Variants in F5 observed in about 807,000 individuals in gnomAD.
The protein encoded by F5 is activated protein c cofactor.
In F5, 138 loss-of-function variants were observed where a neutral mutation model predicts 216.4. The ratio of observed to expected loss-of-function variants is 0.64; its 90% CI spans 0.56 to 0.73. The LOEUF is 0.73. F5 is among the 30% of genes least tolerant of loss of function. The pLI, the probability that F5 is intolerant of heterozygous loss-of-function variation, is 0.00. For synonymous variants in F5, 916 were observed against 930.7 expected (o/e 0.98, Z 0.29); for missense variants, 2,403 against 2,674.0 (o/e 0.90, Z 2.24).
intron 2 of F5, 137 bp downstream of exon 2, chr1:169,582,294 A>T: frequency 1.9e-6 from 1 of 524,034 alleles, no homozygotes; most frequent in Non-Finnish European, 3.4e-6. Context: ...CCCACATATT[A>T]TGTAGCCAGT....
At chr1:169,536,404 A>G in intron 14 of F5, 102 bp downstream of exon 14, 1 of 964,078 alleles carries the variant, frequency 1.0e-6, no homozygotes, top group African/African-American at 1.6e-5. Context: ...ATCCTGGAAA[A>G]CAAACAAATC....
Position 169,512,128 on chromosome 1 carries a change from A to T in F5, c.*2185T>A, listed in dbSNP as rs1047638153. On this transcript the variant is annotated 3_prime_UTR_variant, in exon 25 of 25. Transcript: ENST00000367797. ...GTCTGAGCAATGGATTAGAAACATTATAAGTTTCATTTTATGGAAGAGAAA... is the reference window on the plus strand; with the variant it reads ...GTCTGAGCAATGGATTAGAAACATTTTAAGTTTCATTTTATGGAAGAGAAA... 1.3e-5 allele frequency among the ~76,000 whole-genome samples: 2 copies of T among 152,100 alleles called. No homozygotes were observed. The highest frequency in any genetic ancestry group is 3.9e-4 in the East Asian group (2 of 5,188).
intron 7 of F5, among the ~76,000 whole-genome samples, chr1:169,553,670 A>G (rs549363205): frequency 6.6e-6 from 1 of 152,200 alleles, no homozygotes; most frequent in Non-Finnish European, 1.5e-5. Flanking sequence ...TGCAGTGAGC[A>G]GAGATTGCGC....
In F5 at chr1:169,515,506, G is replaced by C; in HGVS notation, c.6466C>G (p.His2156Asp). 6.2e-7 allele frequency: 1 copy of C among 1,613,560 alleles called. No homozygotes were observed. The highest frequency in any genetic ancestry group is 8.5e-7 in the Non-Finnish European group (1 of 1,179,678). ...SEMYVKSYTI[H>D]YSEQGVEWKP... is the part of the protein sequence containing the mutation. ...CATTCCACTCCCTGCTCACTGTAGT[G>C]GATGGTATAGCTCTTTACATACATT... The change falls in exon 24 of 25, where the codon CAC (histidine) becomes GAC (aspartate). Residue 2156 changes from histidine (H) to aspartate (D), a missense_variant. Around this residue, in one of 4 missense-constraint regions of F5, gnomAD observed 659 missense variants for 787.9 expected, o/e 0.84. Transcript: ENST00000367797.
In F5 at chr1:169,555,267, G is replaced by A. The variant is rs746260106; in HGVS notation, c.1033C>T (p.Arg345Trp). 1.3e-4 allele frequency: 213 copies of A among 1,614,006 alleles called. 1 individual carries two copies. The highest frequency in any genetic ancestry group is 1.0e-3 in the South Asian group (91 of 91,076). ...NLKKITREQR[R>W]HMKRWEYFIA... ...AAGTATTCCCACCTCTTCATGTGCC[G>A]CCTCTGCTCACGAGTTATTTTCTTA... The change falls in exon 7 of 25, where the codon CGG becomes TGG. Residue 345 changes from arginine to tryptophan, a missense_variant. Around this residue, in one of 4 missense-constraint regions of F5, gnomAD observed 1,425 missense variants for 1,554.8 expected, o/e 0.92. Transcript: ENST00000367797.
Position 169,524,849 on chromosome 1 carries a change from A to T in F5, c.5776T>A (p.Ser1926Thr), listed in dbSNP as rs1439914613. 5 of 1,613,622 alleles carry T rather than the reference A, an allele frequency of 3.1e-6. No individual in the cohort carries two copies. Among genetic ancestry groups the T allele is most frequent in the Middle Eastern group, 1.6e-4 (1 of 6,080 alleles). ...GIISDSQIKA[S>T]EFLGYWEPRL... ...TGCTACAACTTACCCAGAAACTCTG[A>T]AGCCTTGATCTGTGAATCAGATATG... The change falls in exon 19 of 25, where the codon TCA (serine) becomes ACA (threonine). Residue 1926 changes from serine to threonine, a missense_variant. Ser to Thr is a moderately conservative substitution (Grantham distance 58). This residue lies in a region of F5 where 659 missense variants were observed against 787.9 expected (regional missense o/e 0.84). Coordinates refer to ENST00000367797, the MANE Select transcript of F5 (RefSeq NM_000130.5).
At chr1:169,521,838 C>T (rs1659316839) in intron 21 of F5, among the ~76,000 whole-genome samples, 3 of 151,834 alleles carry the variant, frequency 2.0e-5, no homozygotes, top group Admixed American at 2.0e-4. Context: ...TCAGGATGGT[C>T]TTGATCTCTT....
chr1:169,546,745 G>C (rs547835742), intron 10 of F5, among the ~76,000 whole-genome samples, 153 bp from the exon 11 acceptor site: 3 of 152,248 alleles, frequency 2.0e-5, no homozygotes, highest in Admixed American at 2.0e-4. Context: ...TCCATAAATG[G>C]TTCTGGGAAA....
chr1:169,556,589 T>G, intron 6 of F5, 57 bp downstream of exon 6: 1 of 1,550,298 alleles, frequency 6.5e-7, no homozygotes, highest in Non-Finnish European at 8.9e-7. Flanking sequence ...AGGGAGTTAG[T>G]GCATGGGAAG....
chr1:169,530,729 TG>T, intron 15 of F5, 56 bp downstream of exon 15: 1 of 1,446,326 alleles, frequency 6.9e-7, no homozygotes, highest in Non-Finnish European at 9.7e-7. Flanking sequence ...TTCCATTTGG[TG>T]GACTTCAGAT....
At position 169,555,084 on chromosome 1, in the gene F5, C is replaced by G. The variant is rs143519504; in HGVS notation, c.1118+98G>C. 3.0e-4 allele frequency: 403 copies of G among 1,345,786 alleles called. 2 individuals are homozygous for G. The African/African-American group carries it at 4.9e-3, about 16-fold the overall frequency. 83.4% of individuals were successfully genotyped at this position (1,345,786 alleles called of 1,614,324 possible). On this transcript the variant is annotated intron_variant, in intron 7 of 24. Coordinates refer to ENST00000367797, the MANE Select transcript of F5 (RefSeq NM_000130.5). The stretch of plus-strand genomic sequence containing the variant: ...TGAATAGAAACCAATACATGTGTCC[C>G]CTTGAGAGCTGTGAACTTACATTTC...
Position 169,512,910 on chromosome 1 carries a change from G to A in F5, c.*1403C>T, listed in dbSNP as rs1486405753. Among the ~76,000 whole-genome samples, 1 of 152,010 alleles carries A rather than the reference G, an allele frequency of 6.6e-6. No individual in the cohort carries two copies. Among genetic ancestry groups the A allele is most frequent in the Non-Finnish European group, 1.5e-5 (1 of 67,970 alleles). ...CTGGCCTGTAATTTGTGTTCACAACGAATAGAATGCAGCAAAAGCAAAGCC... is the reference window on the plus strand; with the variant it reads ...CTGGCCTGTAATTTGTGTTCACAACAAATAGAATGCAGCAAAAGCAAAGCC... On this transcript the variant is annotated 3_prime_UTR_variant, in exon 25 of 25. Transcript: ENST00000367797.
Position 169,544,386 on chromosome 1 carries a change from GC to G in F5, c.1884del (p.His629ThrfsTer13). 1 of 1,614,116 alleles carries G rather than the reference GC, an allele frequency of 6.2e-7. No homozygotes were observed. The highest frequency in any genetic ancestry group is 1.3e-5 in the African/African-American group (1 of 75,048). On this transcript the variant is annotated frameshift_variant, in exon 12 of 25. Transcript: ENST00000367797. LOFTEE classifies it high-confidence loss of function. ...TGCCTCTTTCCATAGATGAATGAGT[GC>G]CCAGTGAAGTGGATGGTCAAAATTT... is the stretch of plus-strand genomic sequence containing the variant. ...QNEILTIHFT[G>X]HSFIYGKRHE... is the part of the protein sequence containing the mutation.
chr1:169,526,161 G>A (rs938856537), intron 17 of F5, 144 bp from the exon 18 acceptor site: 2 of 614,340 alleles, frequency 3.3e-6, no homozygotes, highest in Non-Finnish European at 5.8e-6. Flanking sequence ...AGGACTGAAA[G>A]TATAACAGAT....
chr1:169,582,384 C>A, intron 2 of F5, 47 bp downstream of exon 2: 1 of 1,044,284 alleles, frequency 9.6e-7, no homozygotes, highest in Non-Finnish European at 1.4e-6. Context: ...GCCAAATTAC[C>A]CATAGAAATT....
In F5 at chr1:169,572,240, C is replaced by T; in HGVS notation, c.354G>A (p.Arg118=). The change falls in exon 3 of 25, where the codon AGG becomes AGA. Residue 118 remains arginine, a synonymous_variant. Coordinates refer to ENST00000367797, the MANE Select transcript of F5 (RefSeq NM_000130.5). Reference sequence around the variant, plus strand: ...TCTTACCTTCTGATAATTTACTGTACCTAATTCCTTGAGGATGGATGCTCA... The same window carrying T: ...TCTTACCTTCTGATAATTTACTGTATCTAATTCCTTGAGGATGGATGCTCA... ...KPLSIHPQGI[R]YSKLSEGASY... 6.2e-7 allele frequency: 1 copy of T among 1,612,858 alleles called. No homozygotes were observed. The highest frequency in any genetic ancestry group is 8.5e-7 in the Non-Finnish European group (1 of 1,179,482).
At chr1:169,521,816 T>C (rs937496941) in intron 21 of F5, among the ~76,000 whole-genome samples, 1 of 151,878 alleles carries the variant, frequency 6.6e-6, no homozygotes, top group African/African-American at 2.4e-5. Flanking sequence ...AGAGGGGGTT[T>C]CACCATGTTG....
rs575432414 is a variant in F5 at position 169,544,418 on chromosome 1, T to G, written c.1853A>C (p.Gln618Pro). ...VQWHFCSVGT[Q>P]NEILTIHFTG... Reference sequence around the variant, plus strand: ...GAAGTGGATGGTCAAAATTTCATTCTGGGTCCCCACACTACAGAAGTGCCA... The same window carrying G: ...GAAGTGGATGGTCAAAATTTCATTCGGGGTCCCCACACTACAGAAGTGCCA... The change falls in exon 12 of 25, where the codon CAG (glutamine) becomes CCG (proline). Residue 618 changes from glutamine to proline, a missense_variant. By Grantham distance (76) the Gln-to-Pro change is moderately conservative. Coordinates refer to ENST00000367797, the MANE Select transcript of F5 (RefSeq NM_000130.5). The G allele has an allele frequency of 1.7e-5, 28 of 1,614,184 alleles. No individual in the cohort carries two copies. The South Asian group carries it at 2.7e-4, about 16-fold the overall frequency.
intron 2 of F5, among the ~76,000 whole-genome samples, chr1:169,579,787 C>T (rs534328314): frequency 6.6e-6 from 1 of 152,344 alleles, no homozygotes; most frequent in Non-Finnish European, 1.5e-5. Context: ...ATTGATACAA[C>T]AGTCCCATGA....
Sources: allele counts gnomAD v4.1 joint callset (sites outside exome capture counted in the v4.1 genomes callset), GRCh38; gene constraint gnomAD v4.1.1; regional missense constraint gnomAD v4.1.1; transcripts MANE v1.5; gene names NCBI Gene and HGNC (gene_info 2026-07-23, HGNC 2026-07-21).